Variants in UBE2O observed in about 807,000 individuals in gnomAD.
UBE2O encodes the protein (E3-independent) E2 ubiquitin-conjugating enzyme.
A neutral mutation model predicts 125.8 loss-of-function variants in UBE2O; 15 were observed. That is an observed-to-expected ratio of 0.12 (90% CI 0.08 to 0.18). UBE2O has a LOEUF of 0.18. Among genes scored for constraint, UBE2O ranks in the 10% least tolerant of loss-of-function variants. The pLI is 1.00. For synonymous variants in UBE2O, 708 were observed against 703.2 expected (o/e 1.01, Z -0.11); for missense variants, 1,280 against 1,723.6 (o/e 0.74, Z 4.56).
chr17:76,420,945 C>T (rs1170782186), intron 1 of UBE2O, among the ~76,000 whole-genome samples: 1 of 152,196 alleles, frequency 6.6e-6, no homozygotes, highest in Non-Finnish European at 1.5e-5. Context: ...CAGCCCCCCA[C>T]ATCCCTGCAA....
chr17:76,434,519 C>T (rs1347930609), intron 1 of UBE2O, among the ~76,000 whole-genome samples: 2 of 152,102 alleles, frequency 1.3e-5, no homozygotes, highest in Non-Finnish European at 2.9e-5. Flanking sequence ...ACAGGAATCA[C>T]ATGAAGAAAA....
rs1339614271 is a variant in UBE2O at position 76,410,062 on chromosome 17, G to A, written c.418-4490C>T. 6.6e-6 allele frequency among the ~76,000 whole-genome samples: 1 copy of A among 152,136 alleles called. No homozygotes were observed. Among genetic ancestry groups the A allele is most frequent in the Non-Finnish European group, 1.5e-5 (1 of 68,030 alleles). ...AGCAGGGAGGAGTAGCTGTCAAGGT[G>A]CTGGGTGGGGTGACTGGCACAGGCC... is the stretch of plus-strand genomic sequence containing the variant. On this transcript the variant is annotated intron_variant, in intron 1 of 17. Transcript: ENST00000319380. This position sits in a 1 kb window ranked among gnomAD's most constrained non-coding sequence, Gnocchi z 4.0.
At chr17:76,425,225 CAAAAAAAA>C (rs58377572) in intron 1 of UBE2O, among the ~76,000 whole-genome samples, 2,876 of 95,116 alleles carry the variant, frequency 0.03, 75 homozygotes, top group East Asian at 0.15. Flanking sequence ...GTCCTTTCGA[CAAAAAAAA>C]AAAAAAAAAA....
At chr17:76,412,477 T>C (rs1009492054) in intron 1 of UBE2O, among the ~76,000 whole-genome samples, 3 of 152,030 alleles carry the variant, frequency 2.0e-5, no homozygotes, top group Non-Finnish European at 4.4e-5. Flanking sequence ...AGTGGCCAAC[T>C]GGGGGTGTGG....
At chr17:76,442,133 C>T (rs553197871) in intron 1 of UBE2O, among the ~76,000 whole-genome samples, 3 of 152,308 alleles carry the variant, frequency 2.0e-5, no homozygotes, top group Admixed American at 1.3e-4. Flanking sequence ...ATTTCGACCA[C>T]AGGTGACACC....
rs2072094847 is a variant in UBE2O, at chr17:76,390,810, A to G, written c.*133T>C. The G allele has an allele frequency of 7.9e-6, 7 of 890,636 alleles. No individual in the cohort carries two copies. Among genetic ancestry groups the G allele is most frequent in the Middle Eastern group, 3.0e-4 (1 of 3,332 alleles). 55.2% of individuals were successfully genotyped at this position (890,636 alleles called of 1,614,324 possible). On this transcript the variant is annotated 3_prime_UTR_variant, in exon 18 of 18. Transcript: ENST00000319380. ...CTTCTTGCACTTCAGCATCAAACTC[A>G]CCTTGGGGAGAAGAGGGCAGTGGGT...
chr17:76,437,853 T>C (rs987410899), intron 1 of UBE2O, among the ~76,000 whole-genome samples: 1 of 152,350 alleles, frequency 6.6e-6, no homozygotes, highest in Non-Finnish European at 1.5e-5. Context: ...TAAAAAATGT[T>C]TGTTTAGAAA....
intron 1 of UBE2O, among the ~76,000 whole-genome samples, chr17:76,432,451 G>A (rs904863764): frequency 6.6e-6 from 1 of 152,172 alleles, no homozygotes. Flanking sequence ...CTTGCCCACT[G>A]TCCAAGAAAA....
chr17:76,396,624 G>A lies in UBE2O; in HGVS notation c.2313C>T (p.Asp771=). 6.2e-6 allele frequency: 10 copies of A among 1,612,728 alleles called. No homozygotes were observed. Among genetic ancestry groups the A allele is most frequent in the Non-Finnish European group, 8.5e-6 (10 of 1,179,596 alleles). ...PPLEQPVAPE[D]KGVVISEEAA... is the part of the protein sequence containing the mutation. ...CCTCTTCACTGATCACCACTCCCTTGTCCTCAGGGGCCACCGGCTGCTCCA... is the reference window on the plus strand; with the variant it reads ...CCTCTTCACTGATCACCACTCCCTTATCCTCAGGGGCCACCGGCTGCTCCA... The change falls in exon 14 of 18, where the codon GAC becomes GAT. Residue 771 remains aspartate, a synonymous_variant. Coordinates refer to ENST00000319380, the MANE Select transcript of UBE2O (RefSeq NM_022066.4). This position sits in a 1 kb window ranked among gnomAD's most constrained non-coding sequence, Gnocchi z 6.7.
At chr17:76,442,485 G>C (rs1401121503) in intron 1 of UBE2O, among the ~76,000 whole-genome samples, 2 of 152,162 alleles carry the variant, frequency 1.3e-5, no homozygotes, top group Non-Finnish European at 2.9e-5. Flanking sequence ...GAGCAAACTG[G>C]TCATTCATGA....
At position 76,391,678 on chromosome 17, in the gene UBE2O, C is replaced by T. The variant is rs923307944; in HGVS notation, c.3209-65G>A. The T allele has an allele frequency of 4.4e-6, 7 of 1,603,856 alleles. No homozygotes were observed. The highest frequency in any genetic ancestry group is 4.5e-5 in the East Asian group (2 of 44,778). ...GCCCACAATGCAGGCCTACCCTCCA[C>T]CTGCCAGGGGGACTATCAGAGTCAC... On this transcript the variant is annotated intron_variant, in intron 17 of 17. Transcript: ENST00000319380. The surrounding 1 kb of genome is among the most constrained non-coding windows in gnomAD (Gnocchi z 8.4).
intron 1 of UBE2O, among the ~76,000 whole-genome samples, chr17:76,442,376 G>A (rs2073087963): frequency 1.3e-5 from 2 of 152,164 alleles, no homozygotes; most frequent in African/African-American, 2.4e-5. Context: ...TACGGGGGGT[G>A]GGAGACAGAG....
intron 13 of UBE2O, among the ~76,000 whole-genome samples, chr17:76,397,445 T>C (rs192343784): frequency 6.6e-6 from 1 of 152,286 alleles, no homozygotes; most frequent in Admixed American, 6.5e-5. Context: ...CTTTCTCTCC[T>C]TCTCTGTTAG....
chr17:76,390,660 A>T lies in UBE2O; in HGVS notation c.*283T>A. 1 of 332,164 alleles carries T rather than the reference A, an allele frequency of 3.0e-6. No individual in the cohort carries two copies. The highest frequency in any genetic ancestry group is 5.5e-6 in the Non-Finnish European group (1 of 180,588). The allele number at this position is 332,164 out of a possible 1,614,324, so 20.6% of individuals were successfully genotyped here. A position where few individuals can be genotyped will look rare whatever the true frequency, so the allele number is the denominator to read the frequency against. ...ACCTGAGAAGGGGCAGCAAGGGAGC[A>T]AGTGCCGGACATTCTGCTGGGGTGA... On this transcript the variant is annotated 3_prime_UTR_variant, in exon 18 of 18. Coordinates refer to ENST00000319380, the MANE Select transcript of UBE2O (RefSeq NM_022066.4).
intron 1 of UBE2O, among the ~76,000 whole-genome samples, chr17:76,426,522 A>AC (rs138072910): frequency 6.6e-6 from 1 of 152,310 alleles, no homozygotes; most frequent in African/African-American, 2.4e-5. Flanking sequence ...TAGACAAATG[A>AC]CCTAGTTTTA....
Position 76,405,662 on chromosome 17 carries a change from T to A in UBE2O, c.418-90A>T, listed in dbSNP as rs2072403567. ...CCAGCTTCTGAAGGAAAGCGTCACA[T>A]CCACACTGCTAAGTGCACAAATCCT... On this transcript the variant is annotated intron_variant, in intron 1 of 17. Coordinates refer to ENST00000319380, the MANE Select transcript of UBE2O (RefSeq NM_022066.4). The surrounding 1 kb of genome is among the most constrained non-coding windows in gnomAD (Gnocchi z 6.1). 1 of 1,130,538 alleles carries A rather than the reference T, an allele frequency of 8.8e-7. No homozygotes were observed. The highest frequency in any genetic ancestry group is 2.0e-5 in the Admixed American group (1 of 49,054). The allele number at this position is 1,130,538 out of a possible 1,614,324, so 70.0% of individuals were successfully genotyped here.
At chr17:76,406,698 T>TTTTG (rs1555606083) in intron 1 of UBE2O, among the ~76,000 whole-genome samples, 4 of 130,668 alleles carry the variant, frequency 3.1e-5, no homozygotes, top group African/African-American at 1.2e-4. Flanking sequence ...AGTTGTTTTT[T>TTTTG]TTTTTTTTTT....
rs895733830 is a variant in UBE2O at position 76,405,852 on chromosome 17, A to C, written c.418-280T>G. Among the ~76,000 whole-genome samples, 1 of 152,216 alleles carries C rather than the reference A, an allele frequency of 6.6e-6. No individual in the cohort carries two copies. The highest frequency in any genetic ancestry group is 2.4e-5 in the African/African-American group (1 of 41,458). On this transcript the variant is annotated intron_variant, in intron 1 of 17. Coordinates refer to ENST00000319380, the MANE Select transcript of UBE2O (RefSeq NM_022066.4). The surrounding 1 kb of genome is among the most constrained non-coding windows in gnomAD (Gnocchi z 6.1). ...CCGGAGGTAGCCTTCCTCACACTGA[A>C]CAGTGCAGCTCAATGACAGATCACA... is the stretch of plus-strand genomic sequence containing the variant.
Position 76,400,487 on chromosome 17 carries a change from T to C in UBE2O, c.958A>G (p.Ser320Gly), listed in dbSNP as rs2072301262. ...ATGACAGAGGGTGGGGGGCTGACGC[T>C]GTCCGTGCCCCCTGGACAGAAACTC... ...TKSFCPGGTD[S>G]VSPPPSVITQ... Residue 320 changes from serine (S) to glycine (G), a missense_variant, in exon 7 of 18, where the codon AGC (serine) becomes GGC (glycine). Ser to Gly is a moderately conservative substitution (Grantham distance 56, BLOSUM62 0). Transcript: ENST00000319380. This position sits in a 1 kb window ranked among gnomAD's most constrained non-coding sequence, Gnocchi z 4.3. 6.2e-7 allele frequency: 1 copy of C among 1,613,268 alleles called. No individual in the cohort carries two copies. Among genetic ancestry groups the C allele is most frequent in the African/African-American group, 1.3e-5 (1 of 74,904 alleles).
Sources: gnomAD v4.1 joint callset for allele counts (sites outside exome capture counted in the v4.1 genomes callset) on GRCh38, gnomAD v4.1.1 for gene constraint, Gnocchi (gnomAD v3.1) non-coding constraint, MANE v1.5 for transcripts, NCBI Gene and HGNC (gene_info 2026-07-23, HGNC 2026-07-21) for gene names.